Variants in PRKG1 observed in about 807,000 individuals in gnomAD.
PRKG1 encodes the protein cGMP-dependent protein kinase 1.
PRKG1 carries 35 observed loss-of-function variants against 88.1 expected under a neutral mutation model. The observed-to-expected ratio is 0.40, with a 90% confidence interval of 0.30 to 0.53. The LOEUF (loss-of-function observed/expected upper bound fraction) is 0.53, where lower values mean the gene tolerates loss of function less well. Ranked by LOEUF, PRKG1 falls within the 20% of genes least tolerant of loss-of-function variation. PRKG1 has a pLI of 0.59. For missense variants in PRKG1, 540 were observed against 839.8 expected (o/e 0.64, Z 4.41); for synonymous variants, 303 against 292.5 (o/e 1.04, Z -0.37).
intron 2 of PRKG1, among the ~76,000 whole-genome samples, chr10:51,265,599 G>A (rs1410034518): frequency 6.6e-6 from 1 of 152,112 alleles, no homozygotes; most frequent in East Asian, 1.9e-4. Flanking sequence ...GTGACCCTAT[G>A]TCTTGTGGAA....
Position 52,280,274 on chromosome 10 carries a change from C to T in PRKG1, c.1404-515C>T, listed in dbSNP as rs74133303. Among the ~76,000 whole-genome samples the T allele has an allele frequency of 8.6e-3, 1,316 of 152,148 alleles. 18 individuals are homozygous for T. Among genetic ancestry groups the T allele is most frequent in the African/African-American group, 0.03 (1,250 of 41,502 alleles). On this transcript the variant is annotated intron_variant, in intron 12 of 17. Transcript: ENST00000373980. ...CATCAGTAGCATTATAACTTATTTC[C>T]GGAGTGGTTCTTTGAAAACAGTTGC...
At chr10:51,550,827 T>G (rs1016081151) in intron 3 of PRKG1, among the ~76,000 whole-genome samples, 6 of 151,902 alleles carry the variant, frequency 3.9e-5, no homozygotes, top group Non-Finnish European at 8.8e-5. Flanking sequence ...GAAACCAAAA[T>G]TGATCATGCC....
At chr10:52,282,975 TTAGATA>T (rs1306026574) in intron 14 of PRKG1, among the ~76,000 whole-genome samples, 1 of 152,046 alleles carries the variant, frequency 6.6e-6, no homozygotes, top group Non-Finnish European at 1.5e-5. Context: ...AGAGTAGGAC[TTAGATA>T]TAGAGAGCAA....
chr10:51,745,126 A>G (rs980838338), intron 3 of PRKG1, among the ~76,000 whole-genome samples: 28 of 152,198 alleles, frequency 1.8e-4, no homozygotes, highest in African/African-American at 6.8e-4. Context: ...GAAAGTAAAA[A>G]GTTATATATT....
intron 4 of PRKG1, among the ~76,000 whole-genome samples, chr10:51,817,183 T>A (rs16923566): frequency 0.036 from 5,484 of 152,040 alleles, 317 homozygotes; most frequent in African/African-American, 0.12. Flanking sequence ...GAATGGCAGA[T>A]TTTGTACTTA....
intron 1 of PRKG1, among the ~76,000 whole-genome samples, chr10:51,056,771 C>A (rs760078551): frequency 6.6e-6 from 1 of 152,144 alleles, no homozygotes; most frequent in African/African-American, 2.4e-5. Flanking sequence ...TCCTATCTGC[C>A]TTTCACCCGC....
At chr10:51,169,903 C>T (rs2132005320) in intron 2 of PRKG1, among the ~76,000 whole-genome samples, 1 of 152,228 alleles carries the variant, frequency 6.6e-6, no homozygotes, top group East Asian at 1.9e-4. Context: ...ATTCTGCACT[C>T]ACCACTTCAT....
At chr10:51,651,404 T>G (rs1840035328) in intron 3 of PRKG1, among the ~76,000 whole-genome samples, 1 of 152,006 alleles carries the variant, frequency 6.6e-6, no homozygotes. Flanking sequence ...TGCCCTTCCC[T>G]CTTGTTTACC....
At chr10:51,681,127 T>G (rs1318027578) in intron 3 of PRKG1, among the ~76,000 whole-genome samples, 1 of 152,204 alleles carries the variant, frequency 6.6e-6, no homozygotes, top group Non-Finnish European at 1.5e-5. Flanking sequence ...AGATAACTTG[T>G]GTCCTTTTTA....
chr10:51,781,994 G>A lies in PRKG1; in HGVS notation c.593-22591G>A, dbSNP rs559500569. On this transcript the variant is annotated intron_variant, in intron 3 of 17. Transcript: ENST00000373980. ...CTTAGATGTTAAAAAAAAAAGTATC[G>A]AAATCTGAAGGGGCAAGGTTGTTCT... 3.1e-4 allele frequency among the ~76,000 whole-genome samples: 47 copies of A among 150,262 alleles called. 1 individual carries two copies. In the South Asian group the frequency reaches 7.0e-3, roughly 22 times the overall value.
intron 3 of PRKG1, among the ~76,000 whole-genome samples, chr10:51,636,626 G>A (rs1326115225): frequency 6.6e-6 from 1 of 152,164 alleles, no homozygotes; most frequent in Non-Finnish European, 1.5e-5. Flanking sequence ...GGAATGATGA[G>A]CTTTGGGCAC....
At chr10:51,524,452 A>T (rs1359315845) in intron 3 of PRKG1, among the ~76,000 whole-genome samples, 1 of 152,210 alleles carries the variant, frequency 6.6e-6, no homozygotes. Flanking sequence ...TAGATAATAC[A>T]TAAATGAAGG....
At chr10:51,463,243 A>G (rs2132803499) in intron 2 of PRKG1, among the ~76,000 whole-genome samples, 1 of 152,314 alleles carries the variant, frequency 6.6e-6, no homozygotes, top group Admixed American at 6.5e-5. Flanking sequence ...AATGAAGACC[A>G]TCAGTAAACT....
chr10:52,293,561 G>C (rs1842316752), intron 17 of PRKG1, among the ~76,000 whole-genome samples: 3 of 152,030 alleles, frequency 2.0e-5, no homozygotes, highest in African/African-American at 7.2e-5. Context: ...TTATTATATA[G>C]AAAGATTTTA....
intron 2 of PRKG1, among the ~76,000 whole-genome samples, chr10:51,397,591 C>T (rs186788181): frequency 1.3e-5 from 2 of 152,246 alleles, no homozygotes; most frequent in Non-Finnish European, 2.9e-5. Flanking sequence ...TTTCTGACCT[C>T]CTTTGACTAT....
chr10:51,434,340 T>C (rs975577019), intron 2 of PRKG1, among the ~76,000 whole-genome samples: 6 of 152,168 alleles, frequency 3.9e-5, no homozygotes, highest in Middle Eastern at 3.4e-3. Flanking sequence ...GAAGTAGCGA[T>C]TGAAAGGGGG....
At chr10:51,461,014 A>G (rs1193323273) in intron 2 of PRKG1, among the ~76,000 whole-genome samples, 1 of 152,154 alleles carries the variant, frequency 6.6e-6, no homozygotes, top group Non-Finnish European at 1.5e-5. Flanking sequence ...TTTTGCATAA[A>G]TGAGATTTTT....
intron 3 of PRKG1, among the ~76,000 whole-genome samples, chr10:51,651,053 G>A (rs1365560435): frequency 1.3e-5 from 2 of 152,156 alleles, no homozygotes; most frequent in East Asian, 1.9e-4. Context: ...AGTCCAATGG[G>A]TAAAGGCCAG....
At chr10:51,802,492 A>G (rs1839197952) in intron 3 of PRKG1, among the ~76,000 whole-genome samples, 1 of 152,268 alleles carries the variant, frequency 6.6e-6, no homozygotes, top group South Asian at 2.1e-4. Flanking sequence ...TTCAGTTTAG[A>G]TATTTTGATG....
Sources: gnomAD v4.1 joint callset for allele counts (sites outside exome capture counted in the v4.1 genomes callset) on GRCh38, gnomAD v4.1.1 for gene constraint, MANE v1.5 for transcripts, NCBI Gene and HGNC (gene_info 2026-07-23, HGNC 2026-07-21) for gene names.